The following SYNPR variants were observed in gnomAD, a reference collection of about 807,000 sequenced individuals.
SYNPR encodes the protein synaptoporin.
In SYNPR, 23 loss-of-function variants were observed where a neutral mutation model predicts 32.9. The observed-to-expected ratio is 0.70, with a 90% CI of 0.50 to 0.99. SYNPR has a LOEUF of 0.99. SYNPR is among the 50% of genes least tolerant of loss of function. The pLI, the probability that SYNPR is intolerant of heterozygous loss-of-function variation, is 0.00. For missense variants in SYNPR, 318 were observed against 349.3 expected (o/e 0.91, Z 0.71); for synonymous variants, 146 against 135.9 (o/e 1.07, Z -0.52).
chr3:63,616,104 G>A lies in SYNPR; in HGVS notation c.*623G>A, dbSNP rs1700274884. On this transcript the variant is annotated 3_prime_UTR_variant, in exon 6 of 6. Transcript: ENST00000478300. Reference sequence around the variant, plus strand: ...TGAATTTGTCAAATGGATATTTATAGGAATATATTCACTACTTTGTATACT... The same window carrying A: ...TGAATTTGTCAAATGGATATTTATAAGAATATATTCACTACTTTGTATACT... 6.6e-6 allele frequency: 1 copy of A among 152,108 alleles called. No individual in the cohort carries two copies. The allele number at this position is 152,108 out of a possible 1,614,324, so 9.4% of individuals were successfully genotyped here. A position where few individuals can be genotyped will look rare whatever the true frequency, so the allele number is the denominator to read the frequency against.
rs551213458 is a variant in SYNPR at position 63,453,269 on chromosome 3, T to C, written c.85-27563T>C. ...CCTTTTCAGTGGAAATGACCTCAGC[T>C]CTCTTCACAGAGGAGTCAGGAACCC... On this transcript the variant is annotated intron_variant, in intron 2 of 5. Transcript: ENST00000478300. Among the ~76,000 whole-genome samples, 17 of 152,120 alleles carry C rather than the reference T, an allele frequency of 1.1e-4. No homozygotes were observed. In the South Asian group the frequency reaches 3.3e-3, roughly 30 times the overall value.
the SYNPR span, among the ~76,000 whole-genome samples, chr3:63,206,963 T>A: frequency 6.6e-6 from 1 of 152,144 alleles, no homozygotes; most frequent in African/African-American, 2.4e-5. Context: ...GAGAAAATGG[T>A]TCTGCAGAAA....
intron 2 of SYNPR, among the ~76,000 whole-genome samples, chr3:63,444,963 A>C (rs4488821): frequency 0.021 from 3,132 of 146,544 alleles, 65 homozygotes; most frequent in East Asian, 0.097. Context: ...GAAAAAAAAC[A>C]AAACAAAACA....
At chr3:63,251,516 G>A (rs2086330785) in intron 1 of SYNPR, among the ~76,000 whole-genome samples, 1 of 152,144 alleles carries the variant, frequency 6.6e-6, no homozygotes, top group South Asian at 2.1e-4. Flanking sequence ...GCAGTGTCCT[G>A]ACATAATGCT....
chr3:63,582,170 G>T (rs920718518), intron 4 of SYNPR, among the ~76,000 whole-genome samples: 2 of 152,048 alleles, frequency 1.3e-5, no homozygotes, highest in Admixed American at 6.6e-5. Flanking sequence ...CAGTGAAAAA[G>T]ATCAAAAACT....
At chr3:63,404,265 T>C (rs958799556) in intron 2 of SYNPR, among the ~76,000 whole-genome samples, 1 of 152,212 alleles carries the variant, frequency 6.6e-6, no homozygotes, top group Non-Finnish European at 1.5e-5. Context: ...TAGAATGTGA[T>C]GTGAATGATG....
chr3:63,252,466 C>T (rs932058079), intron 1 of SYNPR: 3 of 152,048 alleles, frequency 2.0e-5, no homozygotes, highest in African/African-American at 7.2e-5. Context: ...CATAAATCTG[C>T]CAGAGAGAAT....
At chr3:63,403,511 A>G (rs1222975215) in intron 2 of SYNPR, among the ~76,000 whole-genome samples, 2 of 152,010 alleles carry the variant, frequency 1.3e-5, no homozygotes, top group African/African-American at 4.8e-5. Context: ...TAATCCTCAC[A>G]ATAACCCCAC....
chr3:63,357,379 A>G (rs1470355189), intron 2 of SYNPR, among the ~76,000 whole-genome samples: 4 of 152,006 alleles, frequency 2.6e-5, no homozygotes, highest in African/African-American at 9.7e-5. Context: ...TGACATTCGA[A>G]TGGTTTTTAC....
intron 2 of SYNPR, among the ~76,000 whole-genome samples, chr3:63,383,422 TAA>T (rs989428609): frequency 3.6e-4 from 55 of 152,098 alleles, no homozygotes; most frequent in Non-Finnish European, 4.4e-5. Flanking sequence ...AGCAAAAGAA[TAA>T]AAGAGGCCAG....
At chr3:63,428,094 T>C (rs1231718176) in intron 2 of SYNPR, among the ~76,000 whole-genome samples, 1 of 152,264 alleles carries the variant, frequency 6.6e-6, no homozygotes, top group African/African-American at 2.4e-5. Context: ...ATTAAATGAA[T>C]TGCAGCGTTG....
intron 2 of SYNPR, among the ~76,000 whole-genome samples, chr3:63,317,218 A>G (rs2087052765): frequency 6.6e-6 from 1 of 151,950 alleles, no homozygotes; most frequent in South Asian, 2.1e-4. Context: ...CAGTTGTTGG[A>G]TGAAATGTTC....
intron 3 of SYNPR, among the ~76,000 whole-genome samples, chr3:63,529,698 T>C (rs1183500516): frequency 6.6e-6 from 1 of 152,138 alleles, no homozygotes; most frequent in Non-Finnish European, 1.5e-5. Flanking sequence ...ATTTAAGTAA[T>C]AACAAAAGAA....
chr3:63,441,821 G>A (rs1421115547), intron 2 of SYNPR, among the ~76,000 whole-genome samples: 7 of 152,218 alleles, frequency 4.6e-5, no homozygotes, highest in African/African-American at 1.7e-4. Flanking sequence ...GGAGGAGAGA[G>A]GGAGCTGGAC....
At chr3:63,569,011 T>C (rs555735421) in intron 4 of SYNPR, among the ~76,000 whole-genome samples, 1 of 152,342 alleles carries the variant, frequency 6.6e-6, no homozygotes, top group South Asian at 2.1e-4. Context: ...AGATGGTAGA[T>C]GCTTAGTAAC....
intron 2 of SYNPR, among the ~76,000 whole-genome samples, chr3:63,449,082 C>T (rs1247189789): frequency 6.6e-6 from 1 of 152,010 alleles, no homozygotes; most frequent in African/African-American, 2.4e-5. Flanking sequence ...AGGCCATTCT[C>T]ATTCTTGGAC....
Position 63,386,603 on chromosome 3 carries a change from A to ACTTCCTTCCTTCCTTCCTTC in SYNPR, c.85-94221_85-94202dup, listed in dbSNP as rs143184474. On this transcript the variant is annotated intron_variant, in intron 2 of 5. Coordinates refer to ENST00000478300, the MANE Select transcript of SYNPR (RefSeq NM_001130003.2). ...GTAAGAGCAGAGTTGGATTATATTT[A>ACTTCCTTCCTTCCTTCCTTC]CTTCCTTCCTTCCTTCCTTCCTTCC... Among the ~76,000 whole-genome samples the ACTTCCTTCCTTCCTTCCTTC allele has an allele frequency of 6.3e-3, 944 of 150,098 alleles. 15 individuals are homozygous for ACTTCCTTCCTTCCTTCCTTC. The highest frequency in any genetic ancestry group is 0.021 in the African/African-American group (851 of 40,342).
chr3:63,412,551 A>C (rs1357320317), intron 2 of SYNPR, among the ~76,000 whole-genome samples: 1 of 152,152 alleles, frequency 6.6e-6, no homozygotes, highest in Admixed American at 6.6e-5. Flanking sequence ...TAAGTAATGA[A>C]GGTGTGTAGA....
intron 2 of SYNPR, among the ~76,000 whole-genome samples, chr3:63,415,175 G>GT (rs1184854818): frequency 6.6e-6 from 1 of 151,860 alleles, no homozygotes; most frequent in African/African-American, 2.4e-5. Flanking sequence ...TATGCATATC[G>GT]TATCTTTATG....
Sources: allele counts gnomAD v4.1 joint callset (sites outside exome capture counted in the v4.1 genomes callset), GRCh38; gene constraint gnomAD v4.1.1; transcripts MANE v1.5; gene names NCBI Gene and HGNC (gene_info 2026-07-23, HGNC 2026-07-21).